The following FICD variants were observed in gnomAD, a reference collection of about 807,000 sequenced individuals.
The protein encoded by FICD is FIC domain protein adenylyltransferase.
In FICD, 13 loss-of-function variants were observed where a neutral mutation model predicts 28.0. The ratio of observed to expected loss-of-function variants is 0.46; its 90% CI spans 0.30 to 0.74. FICD has a LOEUF of 0.74. Among genes scored for constraint, FICD ranks in the 30% least tolerant of loss-of-function variants. The pLI, the probability that FICD is intolerant of heterozygous loss-of-function variation, is 0.07. For synonymous variants in FICD, 268 were observed against 266.4 expected, an observed-to-expected ratio of 1.01 and a Z score of -0.06; for missense variants, 576 against 624.5, an observed-to-expected ratio of 0.92 and a Z score of 0.83.
In FICD at chr12:108,518,743, G is replaced by A. The variant is rs1427603018; in HGVS notation, c.645G>A (p.Leu215=). The change falls in exon 3 of 3, where the codon CTG becomes CTA. Residue 215 remains leucine (L), a synonymous_variant. Coordinates refer to ENST00000552695, the MANE Select transcript of FICD (RefSeq NM_007076.3). The surrounding 1 kb of genome is among the most constrained non-coding windows in gnomAD (Gnocchi z 4.4). ...VMSIPKGNSA[L]RRVMEETYYH... ...CCATCCCCAAGGGGAACTCAGCTCT[G>A]CGCAGGGTCATGGAGGAGACCTACT... The A allele has an allele frequency of 1.2e-6, 2 of 1,614,192 alleles. No homozygotes were observed. Among genetic ancestry groups the A allele is most frequent in the South Asian group, 1.1e-5 (1 of 91,082 alleles).
intron 1 of FICD, among the ~76,000 whole-genome samples, chr12:108,516,056 A>T (rs562160071): frequency 6.6e-6 from 1 of 152,342 alleles, no homozygotes; most frequent in East Asian, 1.9e-4. Context: ...AGGACACCAT[A>T]GTTGCTTAAT....
In FICD at chr12:108,518,225, G is replaced by C; in HGVS notation, c.302-175G>C. 1.4e-6 allele frequency: 1 copy of C among 707,026 alleles called. No individual in the cohort carries two copies. Among genetic ancestry groups the C allele is most frequent in the South Asian group, 1.5e-5 (1 of 67,696 alleles). The allele number at this position is 707,026 out of a possible 1,614,324, so 43.8% of individuals were successfully genotyped here. A position where few individuals can be genotyped will look rare whatever the true frequency, so the allele number is the denominator to read the frequency against. On this transcript the variant is annotated intron_variant, in intron 2 of 2. Transcript: ENST00000552695. The surrounding 1 kb of genome is among the most constrained non-coding windows in gnomAD (Gnocchi z 4.4). ...ATACCACCACACGGCTGGGGCAACA[G>C]AGTGGTACCGGGCATGTTGAGTACA...
At chr12:108,516,372 G>C (rs1267610933) in intron 1 of FICD, among the ~76,000 whole-genome samples, 1 of 152,228 alleles carries the variant, frequency 6.6e-6, no homozygotes, top group Non-Finnish European at 1.5e-5. Flanking sequence ...TGCTGTGGCT[G>C]ATCTGCCTGG....
chr12:108,518,485 C>A lies in FICD; in HGVS notation c.387C>A (p.Phe129Leu), dbSNP rs376954616. The change falls in exon 3 of 3, where the codon TTC becomes TTA. Residue 129 changes from phenylalanine (F) to leucine (L), a missense_variant. Coordinates refer to ENST00000552695, the MANE Select transcript of FICD (RefSeq NM_007076.3). This position sits in a 1 kb window ranked among gnomAD's most constrained non-coding sequence, Gnocchi z 4.4. Reference protein sequence around the residue: ...QGKREKAQKLFMHALKMDPDF... With the variant: ...QGKREKAQKLLMHALKMDPDF... The stretch of plus-strand genomic sequence containing the variant: ...AGCGGGAAAAAGCCCAAAAGCTCTT[C>A]ATGCACGCCCTCAAGATGGACCCGG... 42 of 1,614,084 alleles carry A rather than the reference C, an allele frequency of 2.6e-5. No individual in the cohort carries two copies. The South Asian group carries it at 3.4e-4, about 13-fold the overall frequency.
chr12:108,519,619 AC>A lies in FICD; in HGVS notation c.*145del. 1.7e-6 allele frequency: 1 copy of A among 585,042 alleles called. No homozygotes were observed. The highest frequency in any genetic ancestry group is 1.9e-5 in the African/African-American group (1 of 53,312). The allele number at this position is 585,042 out of a possible 1,614,324, so 36.2% of individuals were successfully genotyped here. ...GTTTTAGTTTTAAAAAAAAAAAAAA[AC>A]TAAGTTATGAAGCCTTGTCTCTAAA... On this transcript the variant is annotated 3_prime_UTR_variant, in exon 3 of 3. Coordinates refer to ENST00000552695, the MANE Select transcript of FICD (RefSeq NM_007076.3). This position sits in a 1 kb window ranked among gnomAD's most constrained non-coding sequence, Gnocchi z 4.5.
chr12:108,519,069 C>T lies in FICD; in HGVS notation c.971C>T (p.Pro324Leu), dbSNP rs1025671987. 33 of 1,614,126 alleles carry T rather than the reference C, an allele frequency of 2.0e-5. No individual in the cohort carries two copies. Among genetic ancestry groups the T allele is most frequent in the Admixed American group, 5.0e-5 (3 of 60,016 alleles). ...VLVGHHIPPH[P>L]QDVEKQMQEF... is the part of the protein sequence containing the mutation. ...GTCGGACACCACATCCCTCCCCATCCGCAGGATGTGGAAAAGCAGATGCAG... is the reference window on the plus strand; with the variant it reads ...GTCGGACACCACATCCCTCCCCATCTGCAGGATGTGGAAAAGCAGATGCAG... Residue 324 changes from proline (P) to leucine (L), a missense_variant, in exon 3 of 3, where the codon CCG becomes CTG. Transcript: ENST00000552695. The surrounding 1 kb of genome is among the most constrained non-coding windows in gnomAD (Gnocchi z 4.5).
At position 108,518,423 on chromosome 12, in the gene FICD, GC is replaced by G. The variant is rs1272038476; in HGVS notation, c.328del (p.Leu110Ter). On this transcript the variant is annotated frameshift_variant, in exon 3 of 3. Transcript: ENST00000552695. LOFTEE classifies it high-confidence loss of function. This position sits in a 1 kb window ranked among gnomAD's most constrained non-coding sequence, Gnocchi z 4.4. ...AGCGGGTAAGTTGGAAGCCAGAGCT[GC>G]CCTGAACCAGGCCCTGGAGATGAAG... ...SPAGKLEARA[A>X]LNQALEMKRQ... is the part of the protein sequence containing the mutation. 1.2e-6 allele frequency: 2 copies of G among 1,614,052 alleles called. No homozygotes were observed. The highest frequency in any genetic ancestry group is 3.3e-5 in the Admixed American group (2 of 60,020).
At position 108,516,229 on chromosome 12, in the gene FICD, C is replaced by T. The variant is rs775867400; in HGVS notation, c.-58-686C>T. Reference sequence around the variant, plus strand: ...GAACTGCTCATCTTCTTGATGGGGTCCCTTCTGGACAGGCCAGAAATGGAA... The same window carrying T: ...GAACTGCTCATCTTCTTGATGGGGTTCCTTCTGGACAGGCCAGAAATGGAA... On this transcript the variant is annotated intron_variant, in intron 1 of 2. Transcript: ENST00000552695. Among the ~76,000 whole-genome samples the T allele has an allele frequency of 1.2e-4, 19 of 152,244 alleles. 1 individual carries two copies. In the East Asian group the frequency reaches 3.7e-3, roughly 29 times the overall value.
At chr12:108,515,531 G>T (rs1011501068) in intron 1 of FICD, among the ~76,000 whole-genome samples, 170 bp downstream of exon 1, 1 of 152,094 alleles carries the variant, frequency 6.6e-6, no homozygotes, top group African/African-American at 2.4e-5. Context: ...AGGGAAGTGT[G>T]GGGGAGAGAT....
intron 1 of FICD, among the ~76,000 whole-genome samples, chr12:108,515,667 C>A (rs2288380): frequency 0.2 from 31,032 of 152,056 alleles, 4,077 homozygotes; most frequent in East Asian, 0.49. Context: ...CCTGGACCCG[C>A]GCAGCACTCC....
intron 1 of FICD, 51 bp from the exon 2 acceptor site, chr12:108,516,864 C>A: frequency 1.1e-6 from 1 of 908,692 alleles, no homozygotes; most frequent in Non-Finnish European, 1.6e-6. Context: ...GCTGAAGTCA[C>A]ACTATGTCCT....
rs779559277 is a variant in FICD, at chr12:108,518,891, A to G, written c.793A>G (p.Ile265Val). 3.1e-6 allele frequency: 5 copies of G among 1,614,180 alleles called. No individual in the cohort carries two copies. The highest frequency in any genetic ancestry group is 4.2e-6 in the Non-Finnish European group (5 of 1,180,032). Residue 265 changes from isoleucine to valine, a missense_variant, in exon 3 of 3, where the codon ATA becomes GTA. By Grantham distance (29) the Ile-to-Val change is conservative. Transcript: ENST00000552695. The surrounding 1 kb of genome is among the most constrained non-coding windows in gnomAD (Gnocchi z 4.4). ...GAGCCTGGAGGAGCAGAACGAGGTCATAGGCATGCATGCAGCCATGAAGTA... is the reference window on the plus strand; with the variant it reads ...GAGCCTGGAGGAGCAGAACGAGGTCGTAGGCATGCATGCAGCCATGAAGTA... ...GKSLEEQNEV[I>V]GMHAAMKYIN...
intron 1 of FICD, 85 bp from the exon 2 acceptor site, chr12:108,516,830 G>T (rs1565852073): frequency 1.7e-6 from 1 of 598,130 alleles, no homozygotes; most frequent in East Asian, 3.1e-5. Context: ...TAAAAGAGCA[G>T]AAGTCTCCAA....
chr12:108,518,259 G>A lies in FICD; in HGVS notation c.302-141G>A, dbSNP rs751883329. On this transcript the variant is annotated intron_variant, in intron 2 of 2. Coordinates refer to ENST00000552695, the MANE Select transcript of FICD (RefSeq NM_007076.3). The surrounding 1 kb of genome is among the most constrained non-coding windows in gnomAD (Gnocchi z 4.4). ...CGGGCATGTTGAGTACACACGATGC[G>A]GCTGCAACAAGCTCCTCAAGGCCAG... The A allele has an allele frequency of 9.9e-5, 73 of 737,354 alleles. No individual in the cohort carries two copies. The highest frequency in any genetic ancestry group is 1.4e-4 in the Non-Finnish European group (59 of 415,166). 45.7% of individuals were successfully genotyped at this position (737,354 alleles called of 1,614,324 possible).
intron 2 of FICD, among the ~76,000 whole-genome samples, chr12:108,517,855 G>A (rs919714580): frequency 3.9e-5 from 6 of 152,274 alleles, no homozygotes; most frequent in African/African-American, 1.2e-4. Flanking sequence ...GTCTCCAGAC[G>A]TCACCAAATG....
chr12:108,518,075 G>A lies in FICD; in HGVS notation c.302-325G>A. On this transcript the variant is annotated intron_variant, in intron 2 of 2. Coordinates refer to ENST00000552695, the MANE Select transcript of FICD (RefSeq NM_007076.3). This position sits in a 1 kb window ranked among gnomAD's most constrained non-coding sequence, Gnocchi z 4.4. ...TGTGGCCCACAGGAAAGGCCCAGCA[G>A]AGAGGGCCCAGGCGAAGTAAATGCC... 1.4e-6 allele frequency: 1 copy of A among 700,366 alleles called. No individual in the cohort carries two copies. Among genetic ancestry groups the A allele is most frequent in the Non-Finnish European group, 2.6e-6 (1 of 383,574 alleles). The allele number at this position is 700,366 out of a possible 1,614,324, so 43.4% of individuals were successfully genotyped here. A position where few individuals can be genotyped will look rare whatever the true frequency, so the allele number is the denominator to read the frequency against.
chr12:108,519,604 T>TA lies in FICD; in HGVS notation c.*144dup, dbSNP rs201412313. Reference sequence around the variant, plus strand: ...TCTTTACCTCCAAATGTTTTAGTTTTAAAAAAAAAAAAAAACTAAGTTATG... The same window carrying TA: ...TCTTTACCTCCAAATGTTTTAGTTTTAAAAAAAAAAAAAAAACTAAGTTATG... On this transcript the variant is annotated 3_prime_UTR_variant, in exon 3 of 3. Transcript: ENST00000552695. This position sits in a 1 kb window ranked among gnomAD's most constrained non-coding sequence, Gnocchi z 4.5. 29,815 of 283,196 alleles carry TA rather than the reference T, an allele frequency of 0.11. 147 individuals carry two copies. Among genetic ancestry groups the TA allele is most frequent in the East Asian group, 0.16 (2,874 of 17,952 alleles). 17.5% of individuals were successfully genotyped at this position (283,196 alleles called of 1,614,324 possible). A position where few individuals can be genotyped will look rare whatever the true frequency, so the allele number is the denominator to read the frequency against.
At chr12:108,515,456 T>C (rs906773742) in intron 1 of FICD, 95 bp downstream of exon 1, 1 of 152,300 alleles carries the variant, frequency 6.6e-6, no homozygotes, top group Non-Finnish European at 1.5e-5. Context: ...GAAGGGAGGC[T>C]CTGCAGTCTT....
chr12:108,518,762 A>T lies in FICD; in HGVS notation c.664A>T (p.Thr222Ser). Reference protein sequence around the residue: ...NSALRRVMEETYYHHIYHTVA... With the variant: ...NSALRRVMEESYYHHIYHTVA... ...AGCTCTGCGCAGGGTCATGGAGGAG[A>T]CCTACTACCATCACATCTACCACAC... The change falls in exon 3 of 3, where the codon ACC becomes TCC. Residue 222 changes from threonine to serine, a missense_variant. Transcript: ENST00000552695. The surrounding 1 kb of genome is among the most constrained non-coding windows in gnomAD (Gnocchi z 4.4). The T allele has an allele frequency of 1.2e-6, 2 of 1,614,086 alleles. No homozygotes were observed. The highest frequency in any genetic ancestry group is 1.7e-6 in the Non-Finnish European group (2 of 1,179,998).
Sources: gnomAD v4.1 joint callset for allele counts (sites outside exome capture counted in the v4.1 genomes callset) on GRCh38, gnomAD v4.1.1 for gene constraint, Gnocchi (gnomAD v3.1) non-coding constraint, MANE v1.5 for transcripts, NCBI Gene and HGNC (gene_info 2026-07-23, HGNC 2026-07-21) for gene names.